The following ANK3 variants were observed in gnomAD, a reference collection of about 807,000 sequenced individuals.
ANK3 encodes ankyrin-3.
Under a neutral mutation model 370.9 loss-of-function variants are expected in ANK3, and 57 were observed. The observed-to-expected ratio is 0.15, with a 90% CI of 0.12 to 0.19. The LOEUF (loss-of-function observed/expected upper bound fraction) is 0.19. Among genes scored for constraint, ANK3 ranks in the 10% least tolerant of loss-of-function variants. The probability of loss-of-function intolerance (pLI) is 1.00; values close to 1 mark genes in which losing one functional copy is unlikely to be tolerated. For synonymous variants in ANK3, 1,929 were observed against 1,946.3 expected, an observed-to-expected ratio of 0.99 and a Z score of 0.23; for missense variants, 4,439 against 5,302.1, an observed-to-expected ratio of 0.84 and a Z score of 5.06.
In ANK3 at chr10:60,196,217, A is replaced by G; in HGVS notation, c.1815T>C (p.Ala605=). ...CCACTTTCTGATTATCGTAATGTGC[A>G]GCTACATGCAGTGGTGTTAGCCCGC... The part of the protein sequence containing the change: ...GKSGLTPLHV[A]AHYDNQKVAL... Residue 605 remains alanine (A), a synonymous_variant, in exon 16 of 44, where the codon GCT becomes GCC. Coordinates refer to ENST00000280772, the MANE Select transcript of ANK3 (RefSeq NM_020987.5). 1 of 1,614,078 alleles carries G rather than the reference A, an allele frequency of 6.2e-7. No homozygotes were observed.
intron 2 of ANK3, among the ~76,000 whole-genome samples, chr10:60,583,150 A>G (rs781268195): frequency 2.0e-5 from 3 of 152,220 alleles, no homozygotes; most frequent in Non-Finnish European, 4.4e-5. Flanking sequence ...TGTGGTACAT[A>G]TGCACAATGG....
At chr10:60,046,642 ATAGAT>A (rs1204529093) in intron 42 of ANK3, among the ~76,000 whole-genome samples, 1 of 152,096 alleles carries the variant, frequency 6.6e-6, no homozygotes, top group Non-Finnish European at 1.5e-5. Context: ...AATAGGAGGA[ATAGAT>A]TAGATAGGAG....
chr10:60,052,108 C>G lies in ANK3; in HGVS notation c.13065+3550G>C, dbSNP rs186465961. Among the ~76,000 whole-genome samples, 584 of 152,214 alleles carry G rather than the reference C, an allele frequency of 3.8e-3. 4 individuals are homozygous for G. The highest frequency in any genetic ancestry group is 0.014 in the African/African-American group (567 of 41,528). ...GGGCACGGTGGCTCACACCTGTAAT[C>G]CCAGCACTTTGGGAGGCCAAGGCGG... On this transcript the variant is annotated intron_variant, in intron 42 of 43. Transcript: ENST00000280772.
At chr10:60,149,136 C>T (rs113243128) in intron 23 of ANK3, among the ~76,000 whole-genome samples, 2,392 of 152,310 alleles carry the variant, frequency 0.016, 66 homozygotes, top group African/African-American at 0.055. Flanking sequence ...TACTTCCAAC[C>T]TATACCCCAG....
At chr10:60,710,306 C>A (rs1239368173) in intron 1 of ANK3, among the ~76,000 whole-genome samples, 2 of 152,144 alleles carry the variant, frequency 1.3e-5, no homozygotes, top group African/African-American at 4.8e-5. Flanking sequence ...TACAGTAGTT[C>A]AGTATGTAAT....
chr10:60,197,499 C>G (rs1473559869), intron 14 of ANK3, among the ~76,000 whole-genome samples: 3 of 152,132 alleles, frequency 2.0e-5, no homozygotes, highest in African/African-American at 7.2e-5. Context: ...TACTCAAGAC[C>G]CTATCACCCA....
At chr10:60,466,980 G>A (rs781148385) in intron 2 of ANK3, among the ~76,000 whole-genome samples, 23 of 152,202 alleles carry the variant, frequency 1.5e-4, no homozygotes, top group South Asian at 4.1e-4. Flanking sequence ...GGATGAAAAA[G>A]CTCTGGAATT....
At chr10:60,126,952 A>C (rs970966992) in intron 25 of ANK3, among the ~76,000 whole-genome samples, 1 of 152,208 alleles carries the variant, frequency 6.6e-6, no homozygotes, top group Non-Finnish European at 1.5e-5. Flanking sequence ...AACTGGTTTA[A>C]GATACTCCCT....
chr10:60,118,351 C>T (rs1317623400), intron 25 of ANK3, among the ~76,000 whole-genome samples: 1 of 152,224 alleles, frequency 6.6e-6, no homozygotes, highest in Non-Finnish European at 1.5e-5. Flanking sequence ...ATCTCACCCA[C>T]ATCCTAGGAA....
chr10:60,252,320 A>G (rs1199172346), intron 7 of ANK3, among the ~76,000 whole-genome samples: 1 of 152,190 alleles, frequency 6.6e-6, no homozygotes, highest in Non-Finnish European at 1.5e-5. Flanking sequence ...CTGTCTGATG[A>G]CAGGGAGTGT....
intron 2 of ANK3, among the ~76,000 whole-genome samples, chr10:60,477,729 C>A (rs1362798553): frequency 1.3e-5 from 2 of 151,836 alleles, no homozygotes; most frequent in Non-Finnish European, 2.9e-5. Context: ...GAAGTTCCCA[C>A]ATAAAAATTA....
chr10:60,318,219 C>T (rs959188979), intron 1 of ANK3, among the ~76,000 whole-genome samples: 3 of 152,122 alleles, frequency 2.0e-5, no homozygotes, highest in Admixed American at 1.3e-4. Flanking sequence ...TTAAGCCTGG[C>T]ATGCATTAGC....
intron 8 of ANK3, among the ~76,000 whole-genome samples, chr10:60,219,713 C>T (rs1222587613): frequency 4.6e-5 from 7 of 152,086 alleles, no homozygotes; most frequent in Non-Finnish European, 2.9e-5. Flanking sequence ...TTAATACCTA[C>T]CCTAAGGATA....
chr10:60,248,636 G>T (rs1332427874), intron 7 of ANK3, among the ~76,000 whole-genome samples: 1 of 152,188 alleles, frequency 6.6e-6, no homozygotes, highest in Non-Finnish European at 1.5e-5. Flanking sequence ...TCTACTTTGT[G>T]CAGGCTCTAT....
intron 2 of ANK3, among the ~76,000 whole-genome samples, chr10:60,559,124 A>T (rs893696990): frequency 6.6e-6 from 1 of 151,630 alleles, no homozygotes; most frequent in African/African-American, 2.4e-5. Context: ...CCTTCTTTTT[A>T]AAAAAAATTT....
At chr10:60,653,249 TC>T (rs2078816353) in intron 1 of ANK3, among the ~76,000 whole-genome samples, 1 of 152,198 alleles carries the variant, frequency 6.6e-6, no homozygotes, top group African/African-American at 2.4e-5. Context: ...CAAATATTTT[TC>T]TTCTAGTTTT....
In ANK3 at chr10:60,234,763, A is replaced by T. The variant is rs139794878; in HGVS notation, c.822T>A (p.Val274=). ...TATTTGCATTTCCTCTTTTTGATGC[A>T]ACATGTAAAGGAGTGATGTCATTCT... ...TARNDITPLH[V]ASKRGNANMV... Residue 274 remains valine, a synonymous_variant, in exon 8 of 44, where the codon GTT becomes GTA. Coordinates refer to ENST00000280772, the MANE Select transcript of ANK3 (RefSeq NM_020987.5). The T allele has an allele frequency of 6.2e-7, 1 of 1,612,546 alleles. No homozygotes were observed. The highest frequency in any genetic ancestry group is 8.5e-7 in the Non-Finnish European group (1 of 1,178,730).
At chr10:60,038,135 G>A (rs778032775) in intron 43 of ANK3, among the ~76,000 whole-genome samples, 1 of 152,238 alleles carries the variant, frequency 6.6e-6, no homozygotes, top group South Asian at 2.1e-4. Flanking sequence ...AGTGGCTCAC[G>A]CCCGTAATTC....
chr10:60,205,529 C>T (rs967883809), intron 11 of ANK3, among the ~76,000 whole-genome samples: 5 of 152,200 alleles, frequency 3.3e-5, no homozygotes, highest in Non-Finnish European at 7.3e-5. Context: ...ATTATGCTTT[C>T]TGTGAAGGTG....
Sources: gnomAD v4.1 joint callset for allele counts (sites outside exome capture counted in the v4.1 genomes callset) on GRCh38, gnomAD v4.1.1 for gene constraint, MANE v1.5 for transcripts, NCBI Gene and HGNC (gene_info 2026-07-23, HGNC 2026-07-21) for gene names.